RARB: variants seen among roughly 807,000 people sequenced by gnomAD.
RARB encodes the protein retinoic acid receptor beta.
A neutral mutation model predicts 51.9 loss-of-function variants in RARB; 17 were observed. The ratio of observed to expected loss-of-function variants is 0.33; its 90% CI spans 0.22 to 0.49. The LOEUF (loss-of-function observed/expected upper bound fraction) is 0.49, where lower values mean the gene tolerates loss of function less well. Among genes scored for constraint, RARB ranks in the 20% least tolerant of loss-of-function variants. The pLI is 0.99. For missense variants in RARB, 369 were observed against 550.8 expected (o/e 0.67, Z 3.30); for synonymous variants, 215 against 195.4 (o/e 1.10, Z -0.84).
chr3:25,533,591 GAGTA>G (rs965794020), intron 3 of RARB, among the ~76,000 whole-genome samples: 26 of 152,298 alleles, frequency 1.7e-4, no homozygotes, highest in Non-Finnish European at 3.1e-4. Context: ...CCAGCCAGTA[GAGTA>G]AGTACTTACT....
At chr3:25,146,718 A>AC (rs1245862183) in intron 4 of RARB, among the ~76,000 whole-genome samples, 1 of 151,560 alleles carries the variant, frequency 6.6e-6, no homozygotes, top group Admixed American at 6.6e-5. Context: ...ACGGGGTTTC[A>AC]CCATGTTAGC....
At chr3:25,404,699 C>T (rs36013124) in intron 5 of RARB, among the ~76,000 whole-genome samples, 23,982 of 152,062 alleles carry the variant, frequency 0.16, 2,452 homozygotes, top group Admixed American at 0.3. Context: ...GGCATGGCCT[C>T]GTATTTCAAG....
chr3:25,228,417 C>T (rs2125388769), intron 5 of RARB, among the ~76,000 whole-genome samples: 1 of 151,898 alleles, frequency 6.6e-6, no homozygotes, highest in South Asian at 2.1e-4. Context: ...AATGTGTTTT[C>T]CTTTTCTTCA....
chr3:24,860,713 C>A (rs970799066), intron 2 of RARB, among the ~76,000 whole-genome samples: 1 of 152,156 alleles, frequency 6.6e-6, no homozygotes. Flanking sequence ...TAGAATACCC[C>A]CTAAGTATGT....
intron 5 of RARB, among the ~76,000 whole-genome samples, chr3:25,189,187 T>A (rs1282823199): frequency 6.6e-6 from 1 of 152,180 alleles, no homozygotes; most frequent in South Asian, 2.1e-4. Flanking sequence ...GCTAAATTAA[T>A]CATTCCAAAG....
chr3:25,462,770 G>A (rs1695246454), intron 2 of RARB, among the ~76,000 whole-genome samples: 1 of 152,222 alleles, frequency 6.6e-6, no homozygotes, highest in African/African-American at 2.4e-5. Context: ...TAGGGGTGCT[G>A]ACTGTGGGCT....
At chr3:25,492,218 A>G (rs1169355604) in intron 2 of RARB, among the ~76,000 whole-genome samples, 1 of 152,236 alleles carries the variant, frequency 6.6e-6, no homozygotes, top group Non-Finnish European at 1.5e-5. Context: ...AATCAGACCT[A>G]TATGATACCT....
At chr3:25,039,755 A>G (rs796470548) in intron 2 of RARB, among the ~76,000 whole-genome samples, 1 of 152,334 alleles carries the variant, frequency 6.6e-6, no homozygotes, top group African/African-American at 2.4e-5. Flanking sequence ...CATTCCTGTT[A>G]GAAGTCCCCA....
At chr3:25,430,988 C>CTTTTTT (rs11360533) in intron 1 of RARB, among the ~76,000 whole-genome samples, 3 of 105,202 alleles carry the variant, frequency 2.9e-5, no homozygotes, top group African/African-American at 7.2e-5. Context: ...AAAACTAAAA[C>CTTTTTT]TTTTTTTTTT....
intron 1 of RARB, among the ~76,000 whole-genome samples, chr3:24,835,776 T>A (rs1270719104): frequency 1.3e-5 from 2 of 152,204 alleles, no homozygotes. Flanking sequence ...GAAGCCACAG[T>A]ATCTACATTA....
At chr3:25,382,181 C>G (rs1364509009) in intron 5 of RARB, among the ~76,000 whole-genome samples, 1 of 152,124 alleles carries the variant, frequency 6.6e-6, no homozygotes, top group Non-Finnish European at 1.5e-5. Flanking sequence ...AAGAGATGTT[C>G]TTTATTCTCA....
chr3:25,322,945 G>A (rs1704613209), intron 5 of RARB, among the ~76,000 whole-genome samples: 1 of 152,164 alleles, frequency 6.6e-6, no homozygotes. Flanking sequence ...TGATTCTGTG[G>A]GTCAAAAATT....
At chr3:25,439,409 A>G (rs184366367) in intron 1 of RARB, among the ~76,000 whole-genome samples, 1 of 152,096 alleles carries the variant, frequency 6.6e-6, no homozygotes, top group East Asian at 1.9e-4. Context: ...AACATGTCTT[A>G]TTTTTTATTT....
Position 25,501,221 on chromosome 3 carries a change from A to G in RARB, c.346A>G (p.Thr116Ala), listed in dbSNP as rs1298375010. 1.9e-6 allele frequency: 3 copies of G among 1,608,900 alleles called. No individual in the cohort carries two copies. Among genetic ancestry groups the G allele is most frequent in the African/African-American group, 1.3e-5 (1 of 74,576 alleles). ...RRSIQKNMIY[T>A]CHRDKNCVIN... ...AAGTATTCAGAAGAATATGATTTAC[A>G]CTTGTCACCGAGATAAGAACTGTGT... is the stretch of plus-strand genomic sequence containing the variant. The change falls in exon 3 of 8, where the codon ACT becomes GCT. Residue 116 changes from threonine (T) to alanine (A), a missense_variant. Transcript: ENST00000330688.
chr3:25,464,952 A>C (rs1370566965), intron 2 of RARB, among the ~76,000 whole-genome samples: 1 of 152,154 alleles, frequency 6.6e-6, no homozygotes, highest in Non-Finnish European at 1.5e-5. Context: ...TTATGTCATA[A>C]TTTATTTAAC....
chr3:25,466,018 G>A (rs541098991), intron 2 of RARB, among the ~76,000 whole-genome samples: 15 of 152,156 alleles, frequency 9.9e-5, no homozygotes, highest in African/African-American at 3.6e-4. Flanking sequence ...TATAAGCTTG[G>A]TGCAACTCTC....
At chr3:25,275,629 G>C (rs1703363901) in intron 5 of RARB, among the ~76,000 whole-genome samples, 1 of 152,192 alleles carries the variant, frequency 6.6e-6, no homozygotes, top group Non-Finnish European at 1.5e-5. Flanking sequence ...GAGAAGCCCT[G>C]TAAGGGAAGT....
intron 5 of RARB, among the ~76,000 whole-genome samples, chr3:25,407,460 T>C (rs1029538747): frequency 6.6e-6 from 1 of 152,212 alleles, no homozygotes; most frequent in Non-Finnish European, 1.5e-5. Flanking sequence ...TATGGTAGGT[T>C]CTCAATTAAA....
chr3:25,476,822 T>C (rs1476200131), intron 2 of RARB, among the ~76,000 whole-genome samples: 6 of 152,186 alleles, frequency 3.9e-5, no homozygotes, highest in Admixed American at 3.9e-4. Flanking sequence ...GTGGTACTGA[T>C]TACTATTTGA....
Sources: gnomAD v4.1 joint callset for allele counts (sites outside exome capture counted in the v4.1 genomes callset) on GRCh38, gnomAD v4.1.1 for gene constraint, MANE v1.5 for transcripts, NCBI Gene and HGNC (gene_info 2026-07-23, HGNC 2026-07-21) for gene names.